MCOLN3: variants seen among roughly 807,000 people sequenced by gnomAD.
MCOLN3 encodes the protein mucolipin TRP cation channel 3, also known as mucolipin-3.
In MCOLN3, 62 loss-of-function variants were observed where a neutral mutation model predicts 69.4. That is an observed-to-expected ratio of 0.89 (90% CI 0.73 to 1.10). The LOEUF is 1.10. Ranked by LOEUF, MCOLN3 falls within the 50% of genes least tolerant of loss-of-function variation. MCOLN3 has a pLI of 0.00. For synonymous variants in MCOLN3, 183 were observed against 217.0 expected, an observed-to-expected ratio of 0.84 and a Z score of 1.38; for missense variants, 564 against 656.4, an observed-to-expected ratio of 0.86 and a Z score of 1.54.
intron 12 of MCOLN3, among the ~76,000 whole-genome samples, chr1:85,020,647 A>G (rs1476947895): frequency 6.6e-6 from 1 of 152,250 alleles, no homozygotes; most frequent in African/African-American, 2.4e-5. Context: ...AAATGGGCTC[A>G]GTTACAGTAC....
chr1:85,019,379 C>T (rs1651813492), intron 12 of MCOLN3, 122 bp from the exon 13 acceptor site: 2 of 897,946 alleles, frequency 2.2e-6, no homozygotes, highest in African/African-American at 3.4e-5. Flanking sequence ...ATCGTTACTC[C>T]TGAGTACCTG....
chr1:85,022,482 G>T, intron 9 of MCOLN3, 82 bp from the exon 10 acceptor site: 1 of 915,538 alleles, frequency 1.1e-6, no homozygotes. Context: ...TATGAGTAAG[G>T]CACTGTTTTA....
chr1:85,030,911 G>T (rs1483422965), intron 6 of MCOLN3, among the ~76,000 whole-genome samples: 9 of 152,158 alleles, frequency 5.9e-5, no homozygotes, highest in Non-Finnish European at 1.3e-4. Flanking sequence ...TAGAATAATG[G>T]TTACCAGAGG....
At chr1:85,022,040 A>G in intron 11 of MCOLN3, 30 bp downstream of exon 11, 1 of 1,602,092 alleles carries the variant, frequency 6.2e-7, no homozygotes, top group Non-Finnish European at 8.5e-7. Flanking sequence ...AAAGCTTAAT[A>G]GTAACAGGAA....
chr1:85,041,737 G>A (rs1329532229), intron 2 of MCOLN3, among the ~76,000 whole-genome samples: 1 of 151,964 alleles, frequency 6.6e-6, no homozygotes, highest in Non-Finnish European at 1.5e-5. Context: ...AGGCATGGTG[G>A]CGCATGCCTG....
At chr1:85,046,068 T>C (rs1429641772) in intron 1 of MCOLN3, among the ~76,000 whole-genome samples, 1 of 152,148 alleles carries the variant, frequency 6.6e-6, no homozygotes, top group Non-Finnish European at 1.5e-5. Flanking sequence ...AGCCTTTGCA[T>C]AGGGTCTAGC....
intron 1 of MCOLN3, among the ~76,000 whole-genome samples, chr1:85,046,031 G>A (rs1167769449): frequency 6.6e-6 from 1 of 152,190 alleles, no homozygotes; most frequent in Non-Finnish European, 1.5e-5. Flanking sequence ...TATGAGTGTA[G>A]AGAGCATTAA....
At chr1:85,043,181 A>G (rs1653156455) in intron 2 of MCOLN3, among the ~76,000 whole-genome samples, 2 of 152,140 alleles carry the variant, frequency 1.3e-5, no homozygotes, top group Non-Finnish European at 2.9e-5. Context: ...CAAGACCCTC[A>G]TTGTTCTCCT....
At chr1:85,030,006 A>C (rs1189675762) in intron 6 of MCOLN3, 3 of 152,246 alleles carry the variant, frequency 2.0e-5, no homozygotes, top group African/African-American at 7.2e-5. Flanking sequence ...GAAACACTTC[A>C]AATATAAGAT....
At position 85,032,723 on chromosome 1, in the gene MCOLN3, G is replaced by A; in HGVS notation, c.705C>T (p.Leu235=). Residue 235 remains leucine (L), a synonymous_variant, in exon 6 of 13, where the codon CTC becomes CTT. Transcript: ENST00000370589. Reference sequence around the variant, plus strand: ...TCAGAGTAAAGTCATAACAGTCAGGGAGTTCTTGATGACGAACTGTCTGCA... The same window carrying A: ...TCAGAGTAAAGTCATAACAGTCAGGAAGTTCTTGATGACGAACTGTCTGCA... ...INLQTVRHQE[L]PDCYDFTLTI... 1 of 1,613,790 alleles carries A rather than the reference G, an allele frequency of 6.2e-7. No homozygotes were observed. The highest frequency in any genetic ancestry group is 8.5e-7 in the Non-Finnish European group (1 of 1,179,658).
intron 9 of MCOLN3, 148 bp downstream of exon 9, chr1:85,025,791 T>C: frequency 1.2e-6 from 1 of 811,684 alleles, no homozygotes; most frequent in Non-Finnish European, 1.9e-6. Flanking sequence ...TGACTAGATT[T>C]AAGAAAATTA....
At chr1:85,030,665 A>G (rs142146409) in intron 6 of MCOLN3, among the ~76,000 whole-genome samples, 1 of 152,338 alleles carries the variant, frequency 6.6e-6, no homozygotes, top group African/African-American at 2.4e-5. Context: ...TTAAGAAAAC[A>G]CCATCAAAGC....
In MCOLN3 at chr1:85,021,100, T is replaced by G; in HGVS notation, c.1497A>C (p.Ala499=). The G allele has an allele frequency of 1.2e-6, 2 of 1,610,932 alleles. No homozygotes were observed. The highest frequency in any genetic ancestry group is 2.2e-5 in the East Asian group (1 of 44,804). Residue 499 remains alanine, a synonymous_variant, in exon 12 of 13, where the codon GCA becomes GCC. Coordinates refer to ENST00000370589, the MANE Select transcript of MCOLN3 (RefSeq NM_018298.11). ...FIYMILSLFI[A]LITDTYETIK... ...TTGTTTCGTATGTATCAGTGATCAG[T>G]GCAATGAAAAGACTTAAAATCATAT...
At chr1:85,029,277 G>A in intron 6 of MCOLN3, 72 bp from the exon 7 acceptor site, 1 of 896,884 alleles carries the variant, frequency 1.1e-6, no homozygotes, top group Non-Finnish European at 1.8e-6. Context: ...ACATTAATTA[G>A]GAAACAATTC....
chr1:85,039,465 C>T (rs551382061), intron 3 of MCOLN3, among the ~76,000 whole-genome samples: 2 of 152,292 alleles, frequency 1.3e-5, no homozygotes, highest in East Asian at 1.9e-4. Context: ...TGGACTTCCC[C>T]GGCTCCGGAA....
At chr1:85,044,663 T>C (rs1428906056) in intron 2 of MCOLN3, among the ~76,000 whole-genome samples, 1 of 152,230 alleles carries the variant, frequency 6.6e-6, no homozygotes, top group Non-Finnish European at 1.5e-5. Flanking sequence ...GTTAGTTAAC[T>C]TCACATTCTT....
Position 85,026,300 on chromosome 1 carries a change from AT to A in MCOLN3, c.833-17del. 1 of 1,534,916 alleles carries A rather than the reference AT, an allele frequency of 6.5e-7. No individual in the cohort carries two copies. Among genetic ancestry groups the A allele is most frequent in the Non-Finnish European group, 9.0e-7 (1 of 1,107,870 alleles). ...TTCTTCTGAACTGAAAGCAAAGAGG[AT>A]TACATAGTGCTTATGTAGTGGGACA... On this transcript the variant is annotated splice_polypyrimidine_tract_variant and intron_variant, in intron 7 of 12. Transcript: ENST00000370589.
chr1:85,035,683 T>A (rs1008881116), intron 3 of MCOLN3, among the ~76,000 whole-genome samples: 3 of 152,136 alleles, frequency 2.0e-5, no homozygotes, highest in Non-Finnish European at 2.9e-5. Flanking sequence ...CTGTCTCTCA[T>A]CACCTTCACT....
At chr1:85,031,323 T>C (rs1257358398) in intron 6 of MCOLN3, among the ~76,000 whole-genome samples, 2 of 151,720 alleles carry the variant, frequency 1.3e-5, no homozygotes, top group African/African-American at 4.8e-5. Flanking sequence ...TAGTGTTTAG[T>C]AGCACAATAT....
Sources: allele counts gnomAD v4.1 joint callset (sites outside exome capture counted in the v4.1 genomes callset), GRCh38; gene constraint gnomAD v4.1.1; transcripts MANE v1.5; gene names NCBI Gene and HGNC (gene_info 2026-07-23, HGNC 2026-07-21).